Variants in DMTN observed in about 807,000 individuals in gnomAD.
DMTN encodes the protein dematin actin binding protein, also known as dematin.
Under a neutral mutation model 59.4 loss-of-function variants are expected in DMTN, and 27 were observed. That is an observed-to-expected ratio of 0.45 (90% CI 0.33 to 0.63). DMTN has a LOEUF of 0.63. Ranked by LOEUF, DMTN falls within the 20% of genes least tolerant of loss-of-function variation. DMTN has a pLI of 0.02. For synonymous variants in DMTN, 221 were observed against 203.7 expected (o/e 1.08, Z -0.72); for missense variants, 451 against 528.9 (o/e 0.85, Z 1.45).
chr8:22,057,490 T>C (rs1273178577), intron 1 of DMTN, among the ~76,000 whole-genome samples: 1 of 152,158 alleles, frequency 6.6e-6, no homozygotes, highest in Admixed American at 6.5e-5. Flanking sequence ...CTCTGCTGAA[T>C]ACTGGCCCGC....
chr8:22,055,066 C>G (rs1336383223), upstream of DMTN: 1 of 152,764 alleles, frequency 6.5e-6, no homozygotes, highest in Non-Finnish European at 1.5e-5. Context: ...TCCCCCTACT[C>G]TGCCCTACAT....
At chr8:22,075,423 A>G (rs1379683011) in intron 10 of DMTN, among the ~76,000 whole-genome samples, 1 of 149,670 alleles carries the variant, frequency 6.7e-6, no homozygotes, top group Admixed American at 6.7e-5. Context: ...ATTTTGGCTG[A>G]CTGCAACCTC....
At chr8:22,067,329 T>G (rs1811577759) in intron 3 of DMTN, among the ~76,000 whole-genome samples, 170 bp downstream of exon 3, 1 of 152,168 alleles carries the variant, frequency 6.6e-6, no homozygotes. Flanking sequence ...CCCCTTCCAC[T>G]GGTCTGGCCT....
chr8:22,068,161 G>T (rs1288937820), intron 4 of DMTN, among the ~76,000 whole-genome samples: 1 of 152,106 alleles, frequency 6.6e-6, no homozygotes, highest in Non-Finnish European at 1.5e-5. Flanking sequence ...AGTGACAGGG[G>T]GCTAGATCAT....
In DMTN at chr8:22,056,851, CGTGCGTT is replaced by C. The variant is rs1309124771; in HGVS notation, c.-455_-449del. The C allele has an allele frequency of 2.7e-4, 38 of 142,588 alleles. No individual in the cohort carries two copies. Among genetic ancestry groups the C allele is most frequent in the African/African-American group, 8.6e-4 (34 of 39,520 alleles). 8.8% of individuals were successfully genotyped at this position (142,588 alleles called of 1,614,324 possible). A position where few individuals can be genotyped will look rare whatever the true frequency, so the allele number is the denominator to read the frequency against. On this transcript the variant is annotated 5_prime_UTR_variant, in exon 1 of 16. Coordinates refer to ENST00000358242, the MANE Select transcript of DMTN (RefSeq NM_001387751.1). ...CCCAGCACCGGGGGATCCAGGCGGC[CGTGCGTT>C]GCAGAGAAGCAGGGTGGGGGCAAGG... is the stretch of plus-strand genomic sequence containing the variant.
At position 22,069,052 on chromosome 8, in the gene DMTN, T is replaced by A; in HGVS notation, c.286T>A (p.Ser96Thr). The A allele has an allele frequency of 6.2e-7, 1 of 1,611,386 alleles. No individual in the cohort carries two copies. ...ACCCAAATCCACATCCCCCCCACCA[T>A]CCCCAGAGGTGAGTCTGCCCCACAC... Reference protein sequence around the residue: ...LSPKSTSPPPSPEVWADSRSP... With the variant: ...LSPKSTSPPPTPEVWADSRSP... Residue 96 changes from serine (S) to threonine (T), a missense_variant, in exon 5 of 16, where the codon TCC becomes ACC. Ser to Thr is a moderately conservative substitution (Grantham distance 58, BLOSUM62 1). Transcript: ENST00000358242.
chr8:22,053,934 T>C (rs1585572316), upstream of DMTN: 1 of 152,116 alleles, frequency 6.6e-6, no homozygotes, highest in Non-Finnish European at 1.5e-5. Flanking sequence ...AGACAAGCCA[T>C]GGGGGAGTTC....
At chr8:22,068,890 G>C (rs1037411241) in intron 4 of DMTN, 126 bp from the exon 5 acceptor site, 3 of 1,082,470 alleles carry the variant, frequency 2.8e-6, no homozygotes, top group African/African-American at 1.6e-5. Flanking sequence ...AGAAAGCAGA[G>C]GTGGCCCAGA....
At chr8:22,075,798 C>T (rs930202644) in intron 10 of DMTN, among the ~76,000 whole-genome samples, 2 of 152,112 alleles carry the variant, frequency 1.3e-5, no homozygotes, top group Non-Finnish European at 1.5e-5. Flanking sequence ...GGATTGCAGG[C>T]GTGAGCCGCT....
chr8:22,062,347 C>G (rs1451037224), intron 1 of DMTN, among the ~76,000 whole-genome samples: 1 of 152,202 alleles, frequency 6.6e-6, no homozygotes, highest in Non-Finnish European at 1.5e-5. Context: ...ATTCTCCCAC[C>G]TCTGCGTCCC....
intron 9 of DMTN, among the ~76,000 whole-genome samples, chr8:22,073,483 T>G (rs1319673965): frequency 1.3e-5 from 2 of 151,052 alleles, no homozygotes; most frequent in African/African-American, 4.9e-5. Flanking sequence ...AACAATTAGC[T>G]AGCTGGGTGT....
chr8:22,073,022 G>A (rs1816936261), intron 9 of DMTN, among the ~76,000 whole-genome samples: 1 of 152,198 alleles, frequency 6.6e-6, no homozygotes, highest in Non-Finnish European at 1.5e-5. Context: ...AGTGATCCAT[G>A]GGAGGAGAGA....
At chr8:22,079,279 T>TAAATAAATAA (rs67157749) in intron 10 of DMTN, among the ~76,000 whole-genome samples, 1 of 35,480 alleles carries the variant, frequency 2.8e-5, no homozygotes, top group South Asian at 1.3e-3. Context: ...AATAAATAAA[T>TAAATAAATAA]ATATATATAT....
chr8:22,059,895 A>G (rs1049280931), intron 1 of DMTN, among the ~76,000 whole-genome samples: 1 of 152,202 alleles, frequency 6.6e-6, no homozygotes, highest in Admixed American at 6.5e-5. Flanking sequence ...AGAGCGCGCC[A>G]GGATGAGTGG....
intron 1 of DMTN, among the ~76,000 whole-genome samples, chr8:22,057,714 C>T (rs998594951): frequency 2.0e-5 from 3 of 152,208 alleles, no homozygotes; most frequent in African/African-American, 4.8e-5. Flanking sequence ...CTGTGCCCGC[C>T]GCTGGGGTGC....
At chr8:22,075,350 T>A (rs1818943486) in intron 10 of DMTN, among the ~76,000 whole-genome samples, 1 of 149,814 alleles carries the variant, frequency 6.7e-6, no homozygotes, top group Admixed American at 6.6e-5. Flanking sequence ...TTTTCTTTCT[T>A]CTTTCTTCTT....
upstream of DMTN, among the ~76,000 whole-genome samples, chr8:22,054,357 G>C (rs1373340220): frequency 6.6e-6 from 1 of 151,958 alleles, no homozygotes; most frequent in Admixed American, 6.6e-5. Context: ...TGAGGAATTG[G>C]AAGAGAGCTG....
At chr8:22,048,975 C>A (rs1296106024), upstream of DMTN, 1 of 148,358 alleles carries the variant, frequency 6.7e-6, no homozygotes, top group Non-Finnish European at 1.5e-5. The surrounding 1 kb of genome is among the most constrained non-coding windows in gnomAD (Gnocchi z 6.9). Flanking sequence ...CGCGTCCAGG[C>A]CGGGCGGCCC....
intron 8 of DMTN, among the ~76,000 whole-genome samples, chr8:22,071,942 G>A (rs559842997): frequency 9.2e-5 from 14 of 152,132 alleles, no homozygotes; most frequent in African/African-American, 3.4e-4. Context: ...TGCCCAGGAT[G>A]GAGTGCAGTG....
Sources: gnomAD v4.1 joint callset for allele counts (sites outside exome capture counted in the v4.1 genomes callset) on GRCh38, gnomAD v4.1.1 for gene constraint, Gnocchi (gnomAD v3.1) non-coding constraint, MANE v1.5 for transcripts, NCBI Gene and HGNC (gene_info 2026-07-23, HGNC 2026-07-21) for gene names.